LEKR1: variants seen among roughly 807,000 people sequenced by gnomAD.
LEKR1 encodes protein LEKR1.
Under a neutral mutation model 72.4 loss-of-function variants are expected in LEKR1, and 59 were observed. The observed-to-expected ratio is 0.82, with a 90% CI of 0.66 to 1.01. The LOEUF (loss-of-function observed/expected upper bound fraction) is 1.01, where lower values mean the gene tolerates loss of function less well. Among genes scored for constraint, LEKR1 ranks in the 50% least tolerant of loss-of-function variants. The pLI is 0.00. For synonymous variants in LEKR1, 257 were observed against 263.2 expected (o/e 0.98, Z 0.23); for missense variants, 728 against 759.2 (o/e 0.96, Z 0.48).
At chr3:157,032,476 T>C (rs548939217) in intron 12 of LEKR1, among the ~76,000 whole-genome samples, 1 of 152,312 alleles carries the variant, frequency 6.6e-6, no homozygotes, top group South Asian at 2.1e-4. Context: ...CATATGTTTA[T>C]CTCTACTTCA....
chr3:156,834,878 C>G (rs558996419), intron 2 of LEKR1, among the ~76,000 whole-genome samples: 9 of 151,996 alleles, frequency 5.9e-5, no homozygotes, highest in Admixed American at 5.2e-4. Flanking sequence ...TAAAACTATA[C>G]TTAACAAAGA....
chr3:156,895,248 G>A (rs1236675539), intron 3 of LEKR1, among the ~76,000 whole-genome samples: 1 of 152,164 alleles, frequency 6.6e-6, no homozygotes, highest in Non-Finnish European at 1.5e-5. Context: ...TTTCTCAAAG[G>A]AAGACATTCA....
chr3:157,040,848 T>C (rs1310036331), intron 12 of LEKR1, among the ~76,000 whole-genome samples: 1 of 152,188 alleles, frequency 6.6e-6, no homozygotes, highest in Admixed American at 6.5e-5. Context: ...TTGTGCCAAA[T>C]ACAGCTGATT....
chr3:156,889,534 C>G (rs1199327027), intron 3 of LEKR1, among the ~76,000 whole-genome samples: 1 of 152,108 alleles, frequency 6.6e-6, no homozygotes, highest in African/African-American at 2.4e-5. Context: ...GGGGTTGATT[C>G]TGAAAACATT....
At chr3:156,949,661 GT>G (rs1284710749) in intron 6 of LEKR1, among the ~76,000 whole-genome samples, 1 of 151,072 alleles carries the variant, frequency 6.6e-6, no homozygotes, top group African/African-American at 2.4e-5. Flanking sequence ...ACCTTCTAGG[GT>G]TTTCACAAGG....
In LEKR1 at chr3:156,942,693, G is replaced by T. The variant is rs771084275; in HGVS notation, c.724G>T (p.Asp242Tyr). The T allele has an allele frequency of 8.0e-7, 1 of 1,252,812 alleles. No individual in the cohort carries two copies. The highest frequency in any genetic ancestry group is 1.3e-5 in the South Asian group (1 of 75,118). 77.6% of individuals were successfully genotyped at this position (1,252,812 alleles called of 1,614,324 possible). Residue 242 changes from aspartate (D) to tyrosine (Y), a missense_variant, in exon 6 of 13, where the codon GAT (aspartate) becomes TAT (tyrosine). Transcript: ENST00000356539. ...QEVNLQTRCYDLQKEVLDLQC... is the reference protein window; with the variant it reads ...QEVNLQTRCYYLQKEVLDLQC... ...AGTAAACTTGCAAACCAGATGCTAT[G>T]ATTTGCAAAAAGAAGTACTAGGTAA...
intron 10 of LEKR1, among the ~76,000 whole-genome samples, chr3:157,014,975 C>G (rs879418617): frequency 1.2e-4 from 18 of 152,162 alleles, no homozygotes; most frequent in South Asian, 6.2e-4. Context: ...CCAAATTTAC[C>G]CTCCTACCTA....
At chr3:156,888,523 G>T in intron 3 of LEKR1, 1 of 603,168 alleles carries the variant, frequency 1.7e-6, no homozygotes, top group Non-Finnish European at 3.0e-6. Flanking sequence ...GGCACAGTGG[G>T]AGAAACACAT....
intron 3 of LEKR1, among the ~76,000 whole-genome samples, chr3:156,916,387 A>G (rs1257161775): frequency 1.3e-5 from 2 of 152,122 alleles, no homozygotes; most frequent in Non-Finnish European, 2.9e-5. Context: ...CTTCCTATCC[A>G]TGAGCATGTG....
intron 3 of LEKR1, among the ~76,000 whole-genome samples, chr3:156,867,623 TA>T (rs1717464086): frequency 6.6e-6 from 1 of 152,088 alleles, no homozygotes; most frequent in African/African-American, 2.4e-5. Context: ...CAGTCCACAA[TA>T]ATCTCTTTTT....
At chr3:157,022,340 G>C (rs1163047726) in intron 10 of LEKR1, among the ~76,000 whole-genome samples, 1 of 152,190 alleles carries the variant, frequency 6.6e-6, no homozygotes, top group East Asian at 1.9e-4. Context: ...AGAATACTGT[G>C]CTGTGTGTAG....
At chr3:157,003,329 A>G (rs1234197331) in intron 9 of LEKR1, among the ~76,000 whole-genome samples, 2 of 152,232 alleles carry the variant, frequency 1.3e-5, no homozygotes, top group Non-Finnish European at 2.9e-5. Context: ...GCTGTACAAT[A>G]CCACTTATAG....
chr3:156,970,361 T>C (rs1729048445), intron 6 of LEKR1, among the ~76,000 whole-genome samples: 1 of 152,228 alleles, frequency 6.6e-6, no homozygotes, highest in African/African-American at 2.4e-5. Context: ...ATTTTGTCTT[T>C]TGTTGCCATT....
intron 3 of LEKR1, among the ~76,000 whole-genome samples, chr3:156,875,886 T>C (rs1253983688): frequency 6.7e-6 from 1 of 149,086 alleles, no homozygotes; most frequent in Non-Finnish European, 1.5e-5. Flanking sequence ...TCCCAGCTAC[T>C]CGGGAGGCTG....
intron 2 of LEKR1, among the ~76,000 whole-genome samples, chr3:156,838,614 C>T (rs145252773): frequency 5.8e-4 from 89 of 152,278 alleles, no homozygotes; most frequent in African/African-American, 2.1e-3. Flanking sequence ...CTCAGCAGAC[C>T]AGTTTAAAGA....
chr3:156,967,056 C>A (rs1372840476), intron 6 of LEKR1, among the ~76,000 whole-genome samples: 1 of 152,232 alleles, frequency 6.6e-6, no homozygotes, highest in Non-Finnish European at 1.5e-5. Context: ...AACAGACCTG[C>A]AGCTGAGGGT....
intron 3 of LEKR1, among the ~76,000 whole-genome samples, chr3:156,872,451 T>G (rs1718067847): frequency 6.6e-6 from 1 of 152,046 alleles, no homozygotes; most frequent in South Asian, 2.1e-4. Context: ...TGAGTTCTGC[T>G]CCAATCTTTA....
intron 5 of LEKR1, 65 bp from the exon 6 acceptor site, chr3:156,942,464 A>G (rs1437571592): frequency 9.9e-6 from 5 of 505,424 alleles, no homozygotes; most frequent in Non-Finnish European, 1.5e-5. Flanking sequence ...AAACTAATCA[A>G]TCTTTAGAGA....
At chr3:156,844,616 G>A (rs970244917) in intron 2 of LEKR1, among the ~76,000 whole-genome samples, 2 of 151,598 alleles carry the variant, frequency 1.3e-5, no homozygotes, top group African/African-American at 4.9e-5. Flanking sequence ...ATCATGTAGT[G>A]TGTAATATTT....
Sources: allele counts gnomAD v4.1 joint callset (sites outside exome capture counted in the v4.1 genomes callset), GRCh38; gene constraint gnomAD v4.1.1; transcripts MANE v1.5; gene names NCBI Gene and HGNC (gene_info 2026-07-23, HGNC 2026-07-21).